CASP10: variants seen among roughly 807,000 people sequenced by gnomAD.
CASP10 encodes the protein caspase 10.
A neutral mutation model predicts 48.5 loss-of-function variants in CASP10; 41 were observed. The observed-to-expected ratio is 0.85, with a 90% CI of 0.66 to 1.10. The LOEUF (loss-of-function observed/expected upper bound fraction) is 1.10. Among genes scored for constraint, CASP10 ranks in the 50% least tolerant of loss-of-function variants. The probability of loss-of-function intolerance (pLI) is 0.00; values close to 1 mark genes in which losing one functional copy is unlikely to be tolerated. For missense variants in CASP10, 614 were observed against 614.5 expected (o/e 1.00, Z 0.01); for synonymous variants, 232 against 238.4 (o/e 0.97, Z 0.25).
intron 9 of CASP10, among the ~76,000 whole-genome samples, chr2:201,215,999 AGT>A (rs1288806155): frequency 6.6e-6 from 1 of 152,030 alleles, no homozygotes; most frequent in African/African-American, 2.4e-5. Flanking sequence ...CACCTTGGGT[AGT>A]ATGGTCATTT....
intron 4 of CASP10, 106 bp downstream of exon 4, chr2:201,193,225 G>T: frequency 8.2e-7 from 1 of 1,222,606 alleles, no homozygotes; most frequent in Non-Finnish European, 1.2e-6. Context: ...TTGTTTTGAG[G>T]CAGAGTCTCA....
chr2:201,222,275 G>T (rs557162054), downstream of CASP10, among the ~76,000 whole-genome samples: 5 of 147,998 alleles, frequency 3.4e-5, no homozygotes, highest in South Asian at 1.1e-3. Flanking sequence ...AGAGTGTAGT[G>T]GTGTGATCTT....
At chr2:201,228,850 C>A in intron 9 of CASP10, 1 of 1,257,992 alleles carries the variant, frequency 7.9e-7, no homozygotes, top group Non-Finnish European at 1.1e-6. Context: ...AAAAGCTATG[C>A]CGGGGTCCAG....
intron 7 of CASP10, among the ~76,000 whole-genome samples, chr2:201,207,837 C>T (rs924871678): frequency 2.0e-5 from 3 of 151,860 alleles, no homozygotes; most frequent in African/African-American, 7.3e-5. Context: ...GCAGAGGTTG[C>T]AGTGAGCCGA....
chr2:201,221,834 G>C (rs1391323669), downstream of CASP10, among the ~76,000 whole-genome samples: 1 of 152,154 alleles, frequency 6.6e-6, no homozygotes, highest in Admixed American at 6.5e-5. Flanking sequence ...GTTGTTTTTA[G>C]GGGCCTTCAG....
chr2:201,218,204 AG>A lies in CASP10; in HGVS notation c.*464del. On this transcript the variant is annotated 3_prime_UTR_variant, in exon 10 of 10. Transcript: ENST00000286186. Reference sequence around the variant, plus strand: ...CCAAAATACTGGGATTATAGGCACGAGCCACCACACCTGGCCAGAAAACTTT... The same window carrying A: ...CCAAAATACTGGGATTATAGGCACGACCACCACACCTGGCCAGAAAACTTT... The A allele has an allele frequency of 3.9e-6, 4 of 1,018,434 alleles. No homozygotes were observed. Among genetic ancestry groups the A allele is most frequent in the Admixed American group, 5.3e-5 (1 of 18,914 alleles). 63.1% of individuals were successfully genotyped at this position (1,018,434 alleles called of 1,614,324 possible).
At position 201,218,753 on chromosome 2, in the gene CASP10, G is replaced by A; in HGVS notation, c.*1012G>A. The stretch of plus-strand genomic sequence containing the variant: ...TTAAACATTGGACAGTGAGGTCACA[G>A]TCCACCCACCCTCTCTCTGATCTCC... On this transcript the variant is annotated 3_prime_UTR_variant, in exon 10 of 10. Coordinates refer to ENST00000286186, the MANE Select transcript of CASP10 (RefSeq NM_032977.4). 1 of 985,444 alleles carries A rather than the reference G, an allele frequency of 1.0e-6. No individual in the cohort carries two copies. Among genetic ancestry groups the A allele is most frequent in the Non-Finnish European group, 1.2e-6 (1 of 829,994 alleles). 61.0% of individuals were successfully genotyped at this position (985,444 alleles called of 1,614,324 possible).
chr2:201,226,806 A>G lies in CASP10; in HGVS notation c.1416-2127A>G, dbSNP rs184081165. ...ACTATCAAGTAGTGAAATAAAATCA[A>G]TTAGAATTATTAGGCTGAACCATAT... On this transcript the variant is annotated intron_variant, in intron 9 of 9. Transcript: ENST00000272879. Among the ~76,000 whole-genome samples the G allele has an allele frequency of 4.9e-4, 75 of 152,338 alleles. 2 individuals carry two copies. The highest frequency in any genetic ancestry group is 8.8e-5 in the Non-Finnish European group (6 of 68,026).
rs375997234 is a variant in CASP10 at position 201,205,208 on chromosome 2, TTTTTC to T, written c.722-654_722-650del. Among the ~76,000 whole-genome samples the T allele has an allele frequency of 5.1e-3, 775 of 151,518 alleles. 5 individuals carry two copies. The highest frequency in any genetic ancestry group is 0.014 in the African/African-American group (578 of 41,336). On this transcript the variant is annotated intron_variant, in intron 6 of 9. Coordinates refer to ENST00000286186, the MANE Select transcript of CASP10 (RefSeq NM_032977.4). ...AACTGGAACTTTCTTTTTCCCCTCT[TTTTTC>T]TTTTCTTTTCTTTTCTTTTTTTTTT...
In CASP10 at chr2:201,195,949, G is replaced by A. The variant is rs372539994; in HGVS notation, c.684+1G>A. ...TAAGACATTCTTGGAAGCCTTACCG[G>A]TAGGTTCAGTGGTGTGCTGGTCAAT... On this transcript the variant is annotated splice_donor_variant, in intron 5 of 9. Coordinates refer to ENST00000286186, the MANE Select transcript of CASP10 (RefSeq NM_032977.4). LOFTEE classifies it high-confidence loss of function. 1.1e-4 allele frequency: 178 copies of A among 1,600,438 alleles called. No individual in the cohort carries two copies. Among genetic ancestry groups the A allele is most frequent in the Non-Finnish European group, 1.5e-4 (176 of 1,167,914 alleles).
chr2:201,209,364 T>C lies in CASP10; in HGVS notation c.1217T>C (p.Ile406Thr), dbSNP rs889488756. ...ATCCAGGCCTGCCAAGGTGAAGAGA[T>C]ACAGCCTTCCGTATCCATCGAAGCA... The part of the protein sequence containing the change: ...FFIQACQGEE[I>T]QPSVSIEADA... Residue 406 changes from isoleucine to threonine, a missense_variant, in exon 9 of 10, where the codon ATA becomes ACA. By Grantham distance (89) the Ile-to-Thr change is moderately conservative. Transcript: ENST00000286186. 6.2e-7 allele frequency: 1 copy of C among 1,614,186 alleles called. No individual in the cohort carries two copies. The highest frequency in any genetic ancestry group is 8.5e-7 in the Non-Finnish European group (1 of 1,180,046).
chr2:201,226,504 G>C (rs1447474061), downstream of CASP10, among the ~76,000 whole-genome samples: 3 of 152,118 alleles, frequency 2.0e-5, no homozygotes, highest in African/African-American at 7.2e-5. Flanking sequence ...GTAGAGACAG[G>C]GTCTTGTTAT....
intron 9 of CASP10, chr2:201,212,385 C>T (rs569567572): frequency 1.3e-5 from 2 of 152,320 alleles, no homozygotes; most frequent in East Asian, 1.9e-4. Flanking sequence ...CCTTCCAAGG[C>T]GGAAGGAAGT....
chr2:201,219,125 C>T lies in CASP10; in HGVS notation c.*1384C>T. 1 of 348,510 alleles carries T rather than the reference C, an allele frequency of 2.9e-6. No individual in the cohort carries two copies. Among genetic ancestry groups the T allele is most frequent in the Non-Finnish European group, 4.0e-6 (1 of 247,762 alleles). 21.6% of individuals were successfully genotyped at this position (348,510 alleles called of 1,614,324 possible). On this transcript the variant is annotated 3_prime_UTR_variant, in exon 10 of 10. Coordinates refer to ENST00000286186, the MANE Select transcript of CASP10 (RefSeq NM_032977.4). ...TCATTACTAAAAACACAAAAATTAGCCAGGTGTGGCGGCGAGCACCTGTAA... is the reference window on the plus strand; with the variant it reads ...TCATTACTAAAAACACAAAAATTAGTCAGGTGTGGCGGCGAGCACCTGTAA...
chr2:201,197,379 C>T (rs1186788264), intron 5 of CASP10, among the ~76,000 whole-genome samples: 29 of 152,138 alleles, frequency 1.9e-4, no homozygotes, highest in Non-Finnish European at 2.9e-5. Flanking sequence ...CTTTGAGAGG[C>T]CAAGGCAGGC....
At chr2:201,226,703 G>T (rs577972303) in intron 9 of CASP10, among the ~76,000 whole-genome samples, 1 of 149,762 alleles carries the variant, frequency 6.7e-6, no homozygotes, top group East Asian at 1.9e-4. Flanking sequence ...AAAAAAAAAT[G>T]AAAAGAAGCA....
Position 201,220,122 on chromosome 2 carries a change from G to C in CASP10, c.*2381G>C, listed in dbSNP as rs1945684785. 1.0e-6 allele frequency: 1 copy of C among 985,398 alleles called. No individual in the cohort carries two copies. The highest frequency in any genetic ancestry group is 1.2e-6 in the Non-Finnish European group (1 of 829,914). 61.0% of individuals were successfully genotyped at this position (985,398 alleles called of 1,614,324 possible). A position where few individuals can be genotyped will look rare whatever the true frequency, so the allele number is the denominator to read the frequency against. ...TTCTGATATCTCTGATTGTCATGTG[G>C]ATTTGAATGTAGCTTGACAGAGGGA... is the stretch of plus-strand genomic sequence containing the variant. On this transcript the variant is annotated 3_prime_UTR_variant, in exon 10 of 10. Coordinates refer to ENST00000286186, the MANE Select transcript of CASP10 (RefSeq NM_032977.4).
chr2:201,225,150 C>A (rs1263220733), downstream of CASP10, among the ~76,000 whole-genome samples: 1 of 152,180 alleles, frequency 6.6e-6, no homozygotes, highest in East Asian at 1.9e-4. Flanking sequence ...GCCACCAGGG[C>A]TTCCAGTTAG....
chr2:201,193,961 C>T (rs996566869), intron 4 of CASP10, among the ~76,000 whole-genome samples: 4 of 152,106 alleles, frequency 2.6e-5, no homozygotes, highest in Admixed American at 6.6e-5. Flanking sequence ...GAGATAATTT[C>T]TGTAAAATGC....
Sources: allele counts gnomAD v4.1 joint callset (sites outside exome capture counted in the v4.1 genomes callset), GRCh38; gene constraint gnomAD v4.1.1; transcripts MANE v1.5; gene names NCBI Gene and HGNC (gene_info 2026-07-23, HGNC 2026-07-21).